LYRM4: variants seen among roughly 807,000 people sequenced by gnomAD.
LYRM4 encodes LYR motif containing 4.
In LYRM4, 9 loss-of-function variants were observed where a neutral mutation model predicts 11.7. The ratio of observed to expected loss-of-function variants is 0.77; its 90% CI spans 0.46 to 1.34. The LOEUF is 1.34. LYRM4 is among the 40% of genes most tolerant of loss of function. The pLI is 0.00. For synonymous variants in LYRM4, 42 were observed against 40.4 expected (o/e 1.04, Z -0.15); for missense variants, 133 against 112.5 (o/e 1.18, Z -0.82).
At chr6:5,195,063 T>C (rs1299929685) in intron 2 of LYRM4, among the ~76,000 whole-genome samples, 1 of 152,242 alleles carries the variant, frequency 6.6e-6, no homozygotes, top group Non-Finnish European at 1.5e-5. Flanking sequence ...TGCATATGTG[T>C]TCCTGTACCA....
rs114200271 is a variant in LYRM4, at chr6:5,175,326, G to A, written c.207+41292C>T. 6.7e-3 allele frequency among the ~76,000 whole-genome samples: 1,013 copies of A among 152,196 alleles called. 5 individuals are homozygous for A. The highest frequency in any genetic ancestry group is 0.022 in the African/African-American group (918 of 41,516). On this transcript the variant is annotated intron_variant, in intron 2 of 2. Coordinates refer to ENST00000330636, the MANE Select transcript of LYRM4 (RefSeq NM_020408.6). The stretch of plus-strand genomic sequence containing the variant: ...ACACAAGGACTTCATTCCCACCTCC[G>A]TTTGGAACAGCTGTCCTTTAAAACG...
intron 2 of LYRM4, among the ~76,000 whole-genome samples, chr6:5,129,240 C>G (rs1436820917): frequency 6.6e-6 from 1 of 152,218 alleles, no homozygotes; most frequent in Non-Finnish European, 1.5e-5. Flanking sequence ...AAGGATTACC[C>G]TGTGTGTTAG....
At chr6:5,151,131 TG>T (rs1484462287) in intron 2 of LYRM4, among the ~76,000 whole-genome samples, 2 of 150,212 alleles carry the variant, frequency 1.3e-5, no homozygotes, top group African/African-American at 4.9e-5. Context: ...GTCACTAGGC[TG>T]GATTGCAGTG....
chr6:5,184,893 T>C (rs1760292735), intron 2 of LYRM4, among the ~76,000 whole-genome samples: 1 of 152,226 alleles, frequency 6.6e-6, no homozygotes, highest in Non-Finnish European at 1.5e-5. Context: ...ATCACACCTC[T>C]GATTACACTT....
intron 2 of LYRM4, chr6:5,187,005 A>G (rs1760442714): frequency 2.1e-6 from 2 of 937,922 alleles, no homozygotes; most frequent in Non-Finnish European, 2.5e-6. Flanking sequence ...AAAATTGTCT[A>G]TAAAAGAATA....
At chr6:5,103,628 A>ATTTTTTTT (rs1491437052), downstream of LYRM4, 1 of 98,622 alleles carries the variant, frequency 1.0e-5, no homozygotes. Context: ...AATATCTGAG[A>ATTTTTTTT]TATTTTTTTT....
At chr6:5,034,970 C>T in the LYRM4 span, among the ~76,000 whole-genome samples, 5 of 151,710 alleles carry the variant, frequency 3.3e-5, no homozygotes, top group South Asian at 1.0e-3. Flanking sequence ...TAAAAATACC[C>T]GCTGAGTGCT....
chr6:5,231,429 T>C (rs1374546897), intron 1 of LYRM4, among the ~76,000 whole-genome samples: 1 of 152,120 alleles, frequency 6.6e-6, no homozygotes, highest in Non-Finnish European at 1.5e-5. Flanking sequence ...GTTCCCTCAA[T>C]CCCTGAATAC....
At chr6:5,051,082 A>G in the LYRM4 span, among the ~76,000 whole-genome samples, 2 of 152,326 alleles carry the variant, frequency 1.3e-5, no homozygotes, top group African/African-American at 4.8e-5. Flanking sequence ...AAAAGAAAGA[A>G]TAAGTGAACA....
At chr6:5,144,087 G>C (rs905592944) in intron 2 of LYRM4, 50 of 1,502,124 alleles carry the variant, frequency 3.3e-5, no homozygotes, top group Non-Finnish European at 4.1e-5. Context: ...GAAATGCTTA[G>C]AGAGGTGAGA....
At position 5,140,377 on chromosome 6, in the gene LYRM4, TA is replaced by T. The variant is rs1014380370; in HGVS notation, c.208-30887del. On this transcript the variant is annotated intron_variant, in intron 2 of 2. Coordinates refer to ENST00000330636, the MANE Select transcript of LYRM4 (RefSeq NM_020408.6). ...CTAAGGTTTGTCTTTTAACAATACT[TA>T]AAAAAAAATAAAGCTTAACTAAAAT... 4.6e-4 allele frequency among the ~76,000 whole-genome samples: 70 copies of T among 151,510 alleles called. 1 individual carries two copies. The Middle Eastern group carries it at 0.017, about 37-fold the overall frequency.
chr6:5,226,632 C>T (rs1018861826), intron 1 of LYRM4, among the ~76,000 whole-genome samples: 1 of 152,206 alleles, frequency 6.6e-6, no homozygotes, highest in Non-Finnish European at 1.5e-5. Context: ...CCGCCTCAGC[C>T]TCCCAAATTG....
At chr6:5,051,388 G>A in the LYRM4 span, among the ~76,000 whole-genome samples, 2 of 152,120 alleles carry the variant, frequency 1.3e-5, no homozygotes, top group Admixed American at 1.3e-4. Context: ...TACTCAAACT[G>A]TCAAGACAAA....
intron 2 of LYRM4, among the ~76,000 whole-genome samples, chr6:5,147,487 A>C (rs1757792312): frequency 6.6e-6 from 1 of 152,166 alleles, no homozygotes; most frequent in Non-Finnish European, 1.5e-5. Context: ...AAAACTGGGG[A>C]TCAATGTGAG....
the LYRM4 span, among the ~76,000 whole-genome samples, chr6:5,069,454 T>A: frequency 6.7e-6 from 1 of 149,710 alleles, no homozygotes; most frequent in African/African-American, 2.4e-5. Flanking sequence ...TCAGCTACAC[T>A]ATATATATAT....
intron 2 of LYRM4, among the ~76,000 whole-genome samples, chr6:5,164,302 C>T (rs1401256533): frequency 6.6e-6 from 1 of 152,170 alleles, no homozygotes; most frequent in Admixed American, 6.5e-5. Flanking sequence ...TAGCCCAAAA[C>T]TGGAAACCCC....
At chr6:5,049,018 G>A in the LYRM4 span, among the ~76,000 whole-genome samples, 2 of 152,138 alleles carry the variant, frequency 1.3e-5, no homozygotes, top group African/African-American at 4.8e-5. Context: ...GGAACAAAGA[G>A]GGCTTTAATT....
At chr6:5,060,777 G>A in the LYRM4 span, among the ~76,000 whole-genome samples, 5 of 151,950 alleles carry the variant, frequency 3.3e-5, no homozygotes, top group African/African-American at 4.8e-5. Context: ...ATCCACCTGC[G>A]TCAGCCTCCC....
chr6:5,232,669 T>A (rs1763309137), intron 1 of LYRM4, among the ~76,000 whole-genome samples: 1 of 152,238 alleles, frequency 6.6e-6, no homozygotes, highest in Non-Finnish European at 1.5e-5. Context: ...ATAAGGAGTT[T>A]ACTCTCCACC....
Sources: allele counts gnomAD v4.1 joint callset (sites outside exome capture counted in the v4.1 genomes callset), GRCh38; gene constraint gnomAD v4.1.1; transcripts MANE v1.5; gene names NCBI Gene and HGNC (gene_info 2026-07-23, HGNC 2026-07-21).